The following NKTR variants were observed in gnomAD, a reference collection of about 807,000 sequenced individuals.
NKTR encodes the protein NK-tumor recognition protein.
NKTR carries 67 observed loss-of-function variants against 156.3 expected under a neutral mutation model. That is an observed-to-expected ratio of 0.43 (90% CI 0.35 to 0.53). The LOEUF is 0.53. Among genes scored for constraint, NKTR ranks in the 20% least tolerant of loss-of-function variants. The pLI, the probability that NKTR is intolerant of heterozygous loss-of-function variation, is 0.01. For missense variants in NKTR, 1,604 were observed against 1,730.9 expected, an observed-to-expected ratio of 0.93 and a Z score of 1.30; for synonymous variants, 640 against 596.6, an observed-to-expected ratio of 1.07 and a Z score of -1.06.
At chr3:42,627,985 C>T (rs1708553658) in intron 6 of NKTR, 2 of 985,320 alleles carry the variant, frequency 2.0e-6, no homozygotes, top group Middle Eastern at 5.2e-4. Context: ...TATTATTTCT[C>T]TCCGCCCTTT....
chr3:42,627,022 C>A, intron 6 of NKTR: 1 of 275,192 alleles, frequency 3.6e-6, no homozygotes, highest in Non-Finnish European at 5.5e-6. Flanking sequence ...TTCATCTCTA[C>A]GTAAATATCC....
intron 3 of NKTR, among the ~76,000 whole-genome samples, chr3:42,617,910 A>G (rs1005892026): frequency 1.2e-4 from 19 of 152,220 alleles, no homozygotes; most frequent in African/African-American, 4.6e-4. Context: ...ATTTTAATTT[A>G]TAAAATAATA....
At chr3:42,601,134 A>G (rs1416890375) in intron 2 of NKTR, 70 bp downstream of exon 2, 2 of 1,291,424 alleles carry the variant, frequency 1.5e-6, no homozygotes, top group Non-Finnish European at 2.1e-6. Context: ...GTCTACCCTC[A>G]GCAACCCTCC....
chr3:42,636,722 G>T, intron 12 of NKTR, 146 bp from the exon 13 acceptor site: 2 of 1,130,104 alleles, frequency 1.8e-6, no homozygotes, highest in Non-Finnish European at 1.2e-6. Flanking sequence ...AGTATAACAA[G>T]ACCAGGCCTA....
At chr3:42,645,862 T>G in intron 16 of NKTR, 26 bp from the exon 17 acceptor site, 1 of 1,509,112 alleles carries the variant, frequency 6.6e-7, no homozygotes, top group Non-Finnish European at 9.1e-7. Flanking sequence ...TACAAGATTT[T>G]TATATATTTT....
Position 42,646,181 on chromosome 3 carries a change from A to T in NKTR, c.*206A>T, listed in dbSNP as rs1710337350. ...TAAAAATATTTTTATGCCACATTTT[A>T]CAGTAGCCAACTATGGAAATGAATT... is the stretch of plus-strand genomic sequence containing the variant. On this transcript the variant is annotated 3_prime_UTR_variant, in exon 17 of 17. Coordinates refer to ENST00000232978, the MANE Select transcript of NKTR (RefSeq NM_005385.4). 2 of 416,764 alleles carry T rather than the reference A, an allele frequency of 4.8e-6. No individual in the cohort carries two copies. The highest frequency in any genetic ancestry group is 4.0e-5 in the Admixed American group (1 of 25,244). 25.8% of individuals were successfully genotyped at this position (416,764 alleles called of 1,614,324 possible).
rs767532191 is a variant in NKTR at position 42,638,564 on chromosome 3, C to T, written c.2860C>T (p.Arg954Cys). The stretch of plus-strand genomic sequence containing the variant: ...TGGTGCTTGGAAATCAAGCAAACAG[C>T]GCACATCAACTTCTGACTCTGAGGG... The part of the protein sequence containing the change: ...DNGAWKSSKQ[R>C]TSTSDSEGSC... The change falls in exon 13 of 17, where the codon CGC becomes TGC. Residue 954 changes from arginine to cysteine, a missense_variant. Physicochemically the swap from Arg to Cys is radical, Grantham distance 180 (BLOSUM62 -3). Around this residue, in one of 6 missense-constraint regions of NKTR, gnomAD observed 1,255 missense variants for 1,243.7 expected, o/e 1.01. Coordinates refer to ENST00000232978, the MANE Select transcript of NKTR (RefSeq NM_005385.4). 13 of 1,613,824 alleles carry T rather than the reference C, an allele frequency of 8.1e-6. No homozygotes were observed. Among genetic ancestry groups the T allele is most frequent in the Admixed American group, 3.3e-5 (2 of 59,960 alleles).
chr3:42,618,754 ACT>A (rs1336711915), intron 3 of NKTR, among the ~76,000 whole-genome samples: 6 of 152,094 alleles, frequency 3.9e-5, no homozygotes, highest in Admixed American at 3.9e-4. Flanking sequence ...TCATTCTTTG[ACT>A]AGAGTGATAA....
At chr3:42,629,326 A>G (rs758599520) in intron 6 of NKTR, 24 of 956,954 alleles carry the variant, frequency 2.5e-5, no homozygotes, top group Admixed American at 6.2e-5. Context: ...AAAACTTAAT[A>G]TTTCCTTTAA....
At position 42,648,136 on chromosome 3, in the gene NKTR, A is replaced by C. The variant is rs1046202294; in HGVS notation, c.*2161A>C. The C allele has an allele frequency of 6.6e-6, 1 of 152,134 alleles. No individual in the cohort carries two copies. Among genetic ancestry groups the C allele is most frequent in the South Asian group, 2.1e-4 (1 of 4,830 alleles). The allele number at this position is 152,134 out of a possible 1,614,324, so 9.4% of individuals were successfully genotyped here. A position where few individuals can be genotyped will look rare whatever the true frequency, so the allele number is the denominator to read the frequency against. ...CTTCCTGCTCTTTCTCATGCTTCAT[A>C]TCTCTCTCCCGTCCTCCTGTTTTAG... is the stretch of plus-strand genomic sequence containing the variant. On this transcript the variant is annotated 3_prime_UTR_variant, in exon 17 of 17. Coordinates refer to ENST00000232978, the MANE Select transcript of NKTR (RefSeq NM_005385.4).
At chr3:42,620,053 C>T (rs1332576103) in intron 5 of NKTR, 69 of 1,534,048 alleles carry the variant, frequency 4.5e-5, no homozygotes, top group Non-Finnish European at 5.8e-5. Flanking sequence ...GGTAAGAGAA[C>T]GAAGCTCAGT....
At chr3:42,618,961 T>G in intron 3 of NKTR, 59 bp from the exon 4 acceptor site, 1 of 1,413,084 alleles carries the variant, frequency 7.1e-7, no homozygotes, top group African/African-American at 1.5e-5. Context: ...GTTTGTTCTT[T>G]CCATGGAAGG....
chr3:42,619,977 T>C, intron 5 of NKTR: 1 of 1,531,434 alleles, frequency 6.5e-7, no homozygotes, highest in Non-Finnish European at 8.7e-7. Context: ...AACTCCTATC[T>C]TCCTGCCTAA....
chr3:42,623,436 T>G (rs1184706568), intron 6 of NKTR, among the ~76,000 whole-genome samples: 1 of 152,098 alleles, frequency 6.6e-6, no homozygotes, highest in Non-Finnish European at 1.5e-5. Context: ...ATATTTTTTC[T>G]GAAGATTTTT....
intron 3 of NKTR, among the ~76,000 whole-genome samples, 182 bp from the exon 4 acceptor site, chr3:42,618,838 G>C (rs1474531): frequency 6.6e-6 from 1 of 152,216 alleles, no homozygotes; most frequent in African/African-American, 2.4e-5. Flanking sequence ...TGCTGCTTTG[G>C]ATTATTTATT....
chr3:42,643,751 T>A (rs902645416), intron 15 of NKTR, 151 bp from the exon 16 acceptor site: 25 of 689,152 alleles, frequency 3.6e-5, no homozygotes, highest in Admixed American at 9.1e-5. Flanking sequence ...AATTGTTAAA[T>A]GTTTCCAGTA....
chr3:42,619,929 G>T, intron 5 of NKTR: 1 of 1,468,810 alleles, frequency 6.8e-7, no homozygotes, highest in South Asian at 1.4e-5. Context: ...GGTTAAACAT[G>T]ACTTTCAGCA....
At chr3:42,635,854 G>T (rs1709354178) in intron 12 of NKTR, among the ~76,000 whole-genome samples, 1 of 151,934 alleles carries the variant, frequency 6.6e-6, no homozygotes, top group Non-Finnish European at 1.5e-5. Flanking sequence ...CTTGCAGTGA[G>T]CTGAGATCGT....
chr3:42,608,870 AATC>A, intron 2 of NKTR, among the ~76,000 whole-genome samples: 1 of 152,310 alleles, frequency 6.6e-6, no homozygotes, highest in African/African-American at 2.4e-5. Flanking sequence ...TCATGGCGGT[AATC>A]CCAGCACTTT....
Sources: gnomAD v4.1 joint callset for allele counts (sites outside exome capture counted in the v4.1 genomes callset) on GRCh38, gnomAD v4.1.1 for gene constraint, gnomAD v4.1.1 regional missense constraint, MANE v1.5 for transcripts, NCBI Gene and HGNC (gene_info 2026-07-23, HGNC 2026-07-21) for gene names.